RIMS2: variants seen among roughly 807,000 people sequenced by gnomAD.
The protein encoded by RIMS2 is regulating synaptic membrane exocytosis 2.
RIMS2 carries 59 observed loss-of-function variants against 174.4 expected under a neutral mutation model. That is an observed-to-expected ratio of 0.34 (90% CI 0.27 to 0.42). The LOEUF is 0.42. Among genes scored for constraint, RIMS2 ranks in the 10% least tolerant of loss-of-function variants. The pLI, the probability that RIMS2 is intolerant of heterozygous loss-of-function variation, is 1.00. For synonymous variants in RIMS2, 606 were observed against 572.5 expected, an observed-to-expected ratio of 1.06 and a Z score of -0.84; for missense variants, 1,620 against 1,666.3, an observed-to-expected ratio of 0.97 and a Z score of 0.48.
chr8:103,788,593 G>T (rs2098466198), intron 3 of RIMS2, among the ~76,000 whole-genome samples: 1 of 152,018 alleles, frequency 6.6e-6, no homozygotes, highest in Middle Eastern at 3.4e-3. Context: ...GGGGGTCAGG[G>T]GTCAGGGACC....
intron 11 of RIMS2, among the ~76,000 whole-genome samples, chr8:103,929,112 A>T (rs781237148): frequency 5.3e-5 from 8 of 151,814 alleles, no homozygotes; most frequent in Non-Finnish European, 1.2e-4. Flanking sequence ...AAGTTAAAAT[A>T]TGCCTATTTG....
chr8:103,697,375 C>T (rs2097115743), intron 2 of RIMS2, 79 bp downstream of exon 4: 1 of 1,081,660 alleles, frequency 9.2e-7, no homozygotes, highest in Non-Finnish European at 1.4e-6. Flanking sequence ...TATGTTAATT[C>T]AACCCAAATA....
intron 1 of RIMS2, among the ~76,000 whole-genome samples, chr8:103,660,465 G>A (rs903540517): frequency 2.0e-5 from 3 of 152,210 alleles, no homozygotes; most frequent in African/African-American, 2.4e-5. Flanking sequence ...ACAGGGCAAG[G>A]AGCCAAGGAC....
chr8:103,719,590 A>G (rs573833474), intron 2 of RIMS2, among the ~76,000 whole-genome samples: 1 of 152,346 alleles, frequency 6.6e-6, no homozygotes, highest in East Asian at 1.9e-4. Flanking sequence ...TACTATGAAC[A>G]TGTTGGTCTT....
chr8:103,833,000 C>G (rs2098835383), intron 3 of RIMS2, among the ~76,000 whole-genome samples: 1 of 152,194 alleles, frequency 6.6e-6, no homozygotes, highest in African/African-American at 2.4e-5. Context: ...ACTTTTTCTT[C>G]AGCCTGGAGA....
intron 1 of RIMS2, among the ~76,000 whole-genome samples, chr8:103,690,586 A>G (rs1002641747): frequency 2.0e-5 from 3 of 152,218 alleles, no homozygotes; most frequent in Admixed American, 6.5e-5. Context: ...ACTAATAAAA[A>G]TACTACACTT....
chr8:104,103,533 A>G (rs1415329788), intron 19 of RIMS2, among the ~76,000 whole-genome samples: 1 of 152,140 alleles, frequency 6.6e-6, no homozygotes, highest in Non-Finnish European at 1.5e-5. Context: ...TTTGTCAAGC[A>G]TATTTTCTTT....
chr8:103,761,747 A>G (rs1007773908), intron 2 of RIMS2, among the ~76,000 whole-genome samples: 4 of 152,200 alleles, frequency 2.6e-5, no homozygotes, highest in South Asian at 2.1e-4. Flanking sequence ...TACTTGATCA[A>G]TTTATACTCT....
At chr8:104,234,820 G>T (rs1364536486) in intron 19 of RIMS2, among the ~76,000 whole-genome samples, 3 of 152,126 alleles carry the variant, frequency 2.0e-5, no homozygotes, top group African/African-American at 7.2e-5. Flanking sequence ...CTGTTTTGCA[G>T]ATGAGGATCA....
chr8:103,744,664 A>G (rs1050305552), intron 2 of RIMS2, among the ~76,000 whole-genome samples: 1 of 152,198 alleles, frequency 6.6e-6, no homozygotes, highest in African/African-American at 2.4e-5. Flanking sequence ...CTCTATGCCT[A>G]AGGGCATTTT....
intron 16 of RIMS2, among the ~76,000 whole-genome samples, chr8:103,983,359 A>T (rs1480435207): frequency 6.6e-6 from 1 of 152,234 alleles, no homozygotes; most frequent in East Asian, 1.9e-4. Context: ...TCCCTATCAG[A>T]ATACCAATGA....
chr8:103,878,869 A>G (rs2099154477), intron 3 of RIMS2, among the ~76,000 whole-genome samples: 1 of 151,086 alleles, frequency 6.6e-6, no homozygotes, highest in Non-Finnish European at 1.5e-5. Context: ...AATAAAAATT[A>G]ATTTAGCATC....
exon 16 of RIMS2, chr8:103,975,437 G>T (rs1231056876): frequency 2.5e-6 from 4 of 1,612,252 alleles, no homozygotes; most frequent in Middle Eastern, 1.7e-4. Context: ...TCACCATCAG[G>T]GTCTCCTCAT....
intron 16 of RIMS2, among the ~76,000 whole-genome samples, chr8:103,983,858 AC>A (rs1456822104): frequency 2.0e-5 from 3 of 152,174 alleles, no homozygotes; most frequent in Non-Finnish European, 4.4e-5. Context: ...CTTGAGTAAT[AC>A]CCCACACACA....
intron 4 of RIMS2, among the ~76,000 whole-genome samples, chr8:103,893,663 T>A (rs2099260635): frequency 6.6e-6 from 1 of 152,090 alleles, no homozygotes; most frequent in Admixed American, 6.6e-5. Flanking sequence ...GATATGAAAA[T>A]CACATGAAAT....
intron 19 of RIMS2, among the ~76,000 whole-genome samples, chr8:104,168,816 G>C (rs943767322): frequency 6.6e-6 from 1 of 151,956 alleles, no homozygotes; most frequent in Non-Finnish European, 1.5e-5. Context: ...TTTGAGGTAT[G>C]TCACTTTTAT....
chr8:103,800,255 A>G (rs1003528301), intron 3 of RIMS2, among the ~76,000 whole-genome samples: 2 of 152,148 alleles, frequency 1.3e-5, no homozygotes, highest in Admixed American at 6.5e-5. Context: ...CATTTTTTAC[A>G]TAGATGATTG....
chr8:103,746,758 G>A (rs1358944684), intron 2 of RIMS2, among the ~76,000 whole-genome samples: 4 of 151,866 alleles, frequency 2.6e-5, no homozygotes, highest in African/African-American at 7.3e-5. Flanking sequence ...TCGGCTCACT[G>A]CAACCTCCGC....
chr8:104,034,462 CTTTTTTTTTTTTTTT>C (rs200907072), intron 19 of RIMS2, among the ~76,000 whole-genome samples: 1 of 118,346 alleles, frequency 8.4e-6, no homozygotes, highest in African/African-American at 3.0e-5. Context: ...CTTGCAGTAT[CTTTTTTTTTTTTTTT>C]TTTTTTTTTT....
Sources: allele counts gnomAD v4.1 joint callset (sites outside exome capture counted in the v4.1 genomes callset), GRCh38; gene constraint gnomAD v4.1.1; transcripts MANE v1.5; gene names NCBI Gene and HGNC (gene_info 2026-07-23, HGNC 2026-07-21).